NELL1: variants seen among roughly 807,000 people sequenced by gnomAD.
NELL1 encodes the protein protein kinase C-binding protein NELL1.
NELL1 carries 76 observed loss-of-function variants against 107.4 expected under a neutral mutation model. That is an observed-to-expected ratio of 0.71 (90% confidence interval 0.59 to 0.86). NELL1 has a LOEUF of 0.86. NELL1 is among the 40% of genes least tolerant of loss of function. The pLI is 0.00. For synonymous variants in NELL1, 353 were observed against 341.2 expected (o/e 1.03, Z -0.38); for missense variants, 1,024 against 1,005.5 (o/e 1.02, Z -0.25).
intron 15 of NELL1, among the ~76,000 whole-genome samples, chr11:21,401,577 A>C (rs966920940): frequency 1.3e-5 from 2 of 150,972 alleles, no homozygotes; most frequent in Non-Finnish European, 1.5e-5. Context: ...GGGTTGGTTC[A>C]TCATCTCAGA....
chr11:21,091,748 G>A (rs1314417633), intron 12 of NELL1, among the ~76,000 whole-genome samples: 1 of 152,038 alleles, frequency 6.6e-6, no homozygotes, highest in African/African-American at 2.4e-5. Flanking sequence ...AGAAATGTAA[G>A]ACATCCCCTG....
At chr11:21,443,068 G>C (rs1853333651) in intron 15 of NELL1, among the ~76,000 whole-genome samples, 2 of 146,874 alleles carry the variant, frequency 1.4e-5, no homozygotes, top group African/African-American at 5.0e-5. Flanking sequence ...TTGGCTCACA[G>C]TTCTGGAGGC....
rs182243123 is a variant in NELL1 at position 20,709,639 on chromosome 11, C to T, written c.184+31579C>T. ...TGTAGATTGCTTTTGGCACTAAGGT[C>T]ATTTTCACAATATTGATTCTACCCA... On this transcript the variant is annotated intron_variant, in intron 2 of 19. Coordinates refer to ENST00000357134, the MANE Select transcript of NELL1 (RefSeq NM_006157.5). Among the ~76,000 whole-genome samples the T allele has an allele frequency of 2.6e-4, 40 of 152,116 alleles. 1 individual carries two copies. The highest frequency in any genetic ancestry group is 2.0e-3 in the Admixed American group (30 of 15,268).
rs117754769 is a variant in NELL1 at position 20,915,278 on chromosome 11, A to T, written c.604-2904A>T. ...TTGCTCCAAAAGAAGCAAATGGTTG[A>T]CAATAAAGCAGAATTTTTCAAAGTG... On this transcript the variant is annotated intron_variant, in intron 5 of 19. Coordinates refer to ENST00000357134, the MANE Select transcript of NELL1 (RefSeq NM_006157.5). Among the ~76,000 whole-genome samples the T allele has an allele frequency of 2.4e-3, 372 of 152,068 alleles. 13 individuals are homozygous for T. The East Asian group carries it at 0.062, about 25-fold the overall frequency.
At chr11:20,953,355 G>A (rs937766238) in intron 11 of NELL1, among the ~76,000 whole-genome samples, 1 of 152,186 alleles carries the variant, frequency 6.6e-6, no homozygotes, top group African/African-American at 2.4e-5. Context: ...TCCTTGCTGT[G>A]GAAGAAGTTA....
At chr11:21,055,734 A>T (rs1853599327) in intron 12 of NELL1, among the ~76,000 whole-genome samples, 1 of 152,134 alleles carries the variant, frequency 6.6e-6, no homozygotes, top group Non-Finnish European at 1.5e-5. Flanking sequence ...TGGGTCAGGG[A>T]TGCCTCTCAA....
At chr11:20,777,741 A>G (rs1856777005) in intron 2 of NELL1, among the ~76,000 whole-genome samples, 1 of 152,164 alleles carries the variant, frequency 6.6e-6, no homozygotes, top group East Asian at 1.9e-4. Flanking sequence ...AGTTTGCTAT[A>G]TTTTGAGGTT....
At position 21,106,353 on chromosome 11, in the gene NELL1, G is replaced by C. The variant is rs1166855702; in HGVS notation, c.1301-7236G>C. ...ATGATTCTAATATGCACCTCATAGA[G>C]TGTGAATATTAAATGAGTTAATCCA... is the stretch of plus-strand genomic sequence containing the variant. On this transcript the variant is annotated intron_variant, in intron 12 of 19. Coordinates refer to ENST00000357134, the MANE Select transcript of NELL1 (RefSeq NM_006157.5). Among the ~76,000 whole-genome samples, 3 of 152,100 alleles carry C rather than the reference G, an allele frequency of 2.0e-5. No homozygotes were observed. In the East Asian group the frequency reaches 5.8e-4, roughly 30 times the overall value.
intron 3 of NELL1, among the ~76,000 whole-genome samples, chr11:20,805,934 T>C (rs2896609): frequency 0.6 from 90,722 of 152,116 alleles, 29,982 homozygotes; most frequent in East Asian, 0.87. Context: ...TATATCTTAT[T>C]GTACTGTTTC....
intron 14 of NELL1, among the ~76,000 whole-genome samples, chr11:21,368,576 C>T (rs998719889): frequency 1.3e-5 from 2 of 151,952 alleles, no homozygotes; most frequent in Admixed American, 1.3e-4. Context: ...ATTTCAGAGC[C>T]TCCAGTTCAC....
intron 15 of NELL1, among the ~76,000 whole-genome samples, chr11:21,528,102 G>A (rs181943390): frequency 6.6e-6 from 1 of 152,142 alleles, no homozygotes; most frequent in East Asian, 1.9e-4. Context: ...TACACAGAAG[G>A]AACTGAAGCC....
At chr11:21,310,282 T>C (rs911277800) in intron 14 of NELL1, among the ~76,000 whole-genome samples, 2 of 152,094 alleles carry the variant, frequency 1.3e-5, no homozygotes, top group African/African-American at 4.8e-5. Flanking sequence ...AATACTAACA[T>C]TGACTATCAC....
intron 12 of NELL1, among the ~76,000 whole-genome samples, chr11:21,040,847 T>C (rs934692074): frequency 6.6e-6 from 1 of 152,152 alleles, no homozygotes; most frequent in African/African-American, 2.4e-5. Context: ...GCATGAATCA[T>C]AATAGACCTT....
At position 21,404,016 on chromosome 11, in the gene NELL1, C is replaced by T. The variant is rs868173315; in HGVS notation, c.1645+33068C>T. On this transcript the variant is annotated intron_variant, in intron 15 of 19. Coordinates refer to ENST00000357134, the MANE Select transcript of NELL1 (RefSeq NM_006157.5). ...TCTGTCATTCCTGAACCCCCCCCCC[C>T]GCAATCAAAACCACTGGATATTCCC... is the stretch of plus-strand genomic sequence containing the variant. 2.4e-3 allele frequency among the ~76,000 whole-genome samples: 285 copies of T among 116,348 alleles called. 8 individuals carry two copies. In the South Asian group the frequency reaches 0.059, roughly 24 times the overall value. The allele number at this position is 116,348 out of a possible 152,430, so 76.3% of individuals were successfully genotyped here. A position where few individuals can be genotyped will look rare whatever the true frequency, so the allele number is the denominator to read the frequency against.
chr11:21,267,093 T>G (rs1198757159), intron 14 of NELL1, among the ~76,000 whole-genome samples: 1 of 152,132 alleles, frequency 6.6e-6, no homozygotes, highest in Non-Finnish European at 1.5e-5. Context: ...TTTCTTTTCT[T>G]GATTTATCCA....
At chr11:20,886,843 C>CA (rs200428434) in intron 5 of NELL1, among the ~76,000 whole-genome samples, 4 of 151,486 alleles carry the variant, frequency 2.6e-5, no homozygotes, top group Non-Finnish European at 4.4e-5. Context: ...AAAATAATAC[C>CA]AAAAAAAAGT....
chr11:21,081,392 C>T lies in NELL1; in HGVS notation c.1301-32197C>T, dbSNP rs561625063. On this transcript the variant is annotated intron_variant, in intron 12 of 19. Transcript: ENST00000357134. The stretch of plus-strand genomic sequence containing the variant: ...ACCTGGTTTCTCTTTTCCTTTTTTT[C>T]CCCCCTATAAACGAAGGTGATCACA... Among the ~76,000 whole-genome samples the T allele has an allele frequency of 2.2e-4, 33 of 151,852 alleles. No individual in the cohort carries two copies. In the South Asian group the frequency reaches 6.2e-3, roughly 29 times the overall value.
chr11:21,537,776 A>C (rs1024779647), intron 16 of NELL1, among the ~76,000 whole-genome samples: 12 of 152,140 alleles, frequency 7.9e-5, no homozygotes, highest in Admixed American at 2.6e-4. Flanking sequence ...AAACTGTATC[A>C]AATCAGATTT....
chr11:20,914,025 A>G (rs1417573532), intron 5 of NELL1, among the ~76,000 whole-genome samples: 1 of 152,116 alleles, frequency 6.6e-6, no homozygotes, highest in Admixed American at 6.6e-5. Context: ...ACCTCTTTGT[A>G]GCAACATGTT....
Sources: gnomAD v4.1 joint callset for allele counts (sites outside exome capture counted in the v4.1 genomes callset) on GRCh38, gnomAD v4.1.1 for gene constraint, MANE v1.5 for transcripts, NCBI Gene and HGNC (gene_info 2026-07-23, HGNC 2026-07-21) for gene names.